Variants in PCLO observed in about 807,000 individuals in gnomAD.
The protein encoded by PCLO is protein piccolo.
Under a neutral mutation model 427.5 loss-of-function variants are expected in PCLO, and 82 were observed. The observed-to-expected ratio is 0.19, with a 90% CI of 0.16 to 0.23. The LOEUF (loss-of-function observed/expected upper bound fraction) is 0.23. Among genes scored for constraint, PCLO ranks in the 10% least tolerant of loss-of-function variants. PCLO has a pLI of 1.00. For synonymous variants in PCLO, 2,357 were observed against 2,155.4 expected, an observed-to-expected ratio of 1.09 and a Z score of -2.59; for missense variants, 6,239 against 6,115.9, an observed-to-expected ratio of 1.02 and a Z score of -0.67.
chr7:82,905,133 T>A lies in PCLO; in HGVS notation c.13438-2392A>T, dbSNP rs568118744. ...AGAACTGATGTCAAGTGGTGCTACA[T>A]TCCTCTCCCCAAGGGGATGGTCTCT... On this transcript the variant is annotated intron_variant, in intron 8 of 24. Coordinates refer to ENST00000333891, the MANE Select transcript of PCLO (RefSeq NM_033026.6). Among the ~76,000 whole-genome samples the A allele has an allele frequency of 2.5e-4, 38 of 152,186 alleles. 1 individual carries two copies. Among genetic ancestry groups the A allele is most frequent in the African/African-American group, 8.4e-4 (35 of 41,544 alleles).
In PCLO at chr7:83,135,296, C is replaced by A. The variant is rs1791694531; in HGVS notation, c.2254G>T (p.Asp752Tyr). The change falls in exon 3 of 25, where the codon GAT (aspartate) becomes TAT (tyrosine). Residue 752 changes from aspartate to tyrosine, a missense_variant. Asp to Tyr is a radical substitution (Grantham distance 160). Around this residue, in one of 5 missense-constraint regions of PCLO, gnomAD observed 4,677 missense variants for 4,468.4 expected, o/e 1.05. Coordinates refer to ENST00000333891, the MANE Select transcript of PCLO (RefSeq NM_033026.6). ...ACCATCTTGGGCTGCTTTGGTTTAT[C>A]ATCAGCAACAGGGGCCTTGTCCTGC... ...SEQDKAPVAD[D>Y]KPKQPKMVKP... is the part of the protein sequence containing the mutation. 6.2e-7 allele frequency: 1 copy of A among 1,613,750 alleles called. No homozygotes were observed. The highest frequency in any genetic ancestry group is 8.5e-7 in the Non-Finnish European group (1 of 1,179,876).
chr7:82,759,727 C>G (rs1318253109), intron 24 of PCLO, among the ~76,000 whole-genome samples: 1 of 151,860 alleles, frequency 6.6e-6, no homozygotes, highest in African/African-American at 2.4e-5. Flanking sequence ...ATGGTCTCTT[C>G]CTATATTTTT....
At chr7:83,046,370 C>G (rs1428493797) in intron 3 of PCLO, among the ~76,000 whole-genome samples, 1 of 152,050 alleles carries the variant, frequency 6.6e-6, no homozygotes, top group Non-Finnish European at 1.5e-5. Context: ...TATTTATTCT[C>G]TGTTGTATAT....
At chr7:82,905,478 T>A (rs1236906615) in intron 8 of PCLO, among the ~76,000 whole-genome samples, 3 of 151,896 alleles carry the variant, frequency 2.0e-5, no homozygotes, top group Non-Finnish European at 4.4e-5. Flanking sequence ...TATGCATATA[T>A]AACATGGTAG....
intron 3 of PCLO, among the ~76,000 whole-genome samples, chr7:83,003,699 A>G (rs10242849): frequency 0.63 from 94,814 of 150,964 alleles, 31,266 homozygotes; most frequent in East Asian, 0.86. Context: ...AATCCCCCTT[A>G]AGTATGCTGC....
chr7:83,052,049 A>G (rs7792664), intron 3 of PCLO, among the ~76,000 whole-genome samples: 117,860 of 151,898 alleles, frequency 0.78, 46,587 homozygotes, highest in African/African-American at 0.92. Flanking sequence ...AAACAGATCA[A>G]AGACCTAAAA....
intron 3 of PCLO, among the ~76,000 whole-genome samples, chr7:82,976,342 C>T (rs1325422961): frequency 6.6e-6 from 1 of 152,170 alleles, no homozygotes; most frequent in East Asian, 1.9e-4. Context: ...TAAATTCTTT[C>T]CTTCCTCTGC....
At chr7:82,979,438 A>G (rs561086506) in intron 3 of PCLO, among the ~76,000 whole-genome samples, 3 of 152,322 alleles carry the variant, frequency 2.0e-5, no homozygotes, top group African/African-American at 7.2e-5. Context: ...ACATACATCA[A>G]AATGTAAATT....
chr7:82,885,459 C>T (rs572668608), intron 9 of PCLO, among the ~76,000 whole-genome samples: 55 of 152,192 alleles, frequency 3.6e-4, no homozygotes, highest in African/African-American at 1.3e-3. Flanking sequence ...TAAGCCATGC[C>T]TGGATTATTG....
intron 3 of PCLO, among the ~76,000 whole-genome samples, chr7:83,053,323 C>T (rs143217694): frequency 2.0e-5 from 3 of 152,098 alleles, no homozygotes; most frequent in East Asian, 3.9e-4. Flanking sequence ...CTAACCATTA[C>T]ACACTGAAAA....
chr7:83,060,208 G>A (rs1789510023), intron 3 of PCLO, among the ~76,000 whole-genome samples: 1 of 152,112 alleles, frequency 6.6e-6, no homozygotes, highest in African/African-American at 2.4e-5. Context: ...GGTCAGACCT[G>A]AGCTTCCTTT....
chr7:82,891,280 A>T (rs1793758880), intron 9 of PCLO, among the ~76,000 whole-genome samples: 1 of 152,104 alleles, frequency 6.6e-6, no homozygotes, highest in Non-Finnish European at 1.5e-5. Flanking sequence ...TCAGATTTTT[A>T]AAATTTTAGG....
intron 3 of PCLO, among the ~76,000 whole-genome samples, chr7:83,094,998 C>T (rs1171280424): frequency 2.6e-5 from 4 of 152,010 alleles, no homozygotes; most frequent in Admixed American, 6.6e-5. Context: ...TTGGGAAATG[C>T]GCCCTCATCT....
chr7:82,804,186 C>G (rs1791413921), intron 21 of PCLO, among the ~76,000 whole-genome samples: 1 of 151,944 alleles, frequency 6.6e-6, no homozygotes, highest in Non-Finnish European at 1.5e-5. Flanking sequence ...CATCAGAAGT[C>G]AAAGACCAAT....
At chr7:83,139,995 A>C (rs1029018956) in intron 2 of PCLO, among the ~76,000 whole-genome samples, 1 of 152,194 alleles carries the variant, frequency 6.6e-6, no homozygotes, top group African/African-American at 2.4e-5. Flanking sequence ...AAAAAGAAAA[A>C]AGAAAAAAAT....
At chr7:82,802,649 C>T (rs895035888) in intron 21 of PCLO, among the ~76,000 whole-genome samples, 1 of 152,108 alleles carries the variant, frequency 6.6e-6, no homozygotes. Context: ...AACAAAAGAG[C>T]ATCTTGATAC....
intron 3 of PCLO, among the ~76,000 whole-genome samples, chr7:82,987,223 A>C (rs1266673869): frequency 6.6e-6 from 1 of 152,132 alleles, no homozygotes; most frequent in East Asian, 1.9e-4. Context: ...GGCATAGATA[A>C]GACATAAAAT....
At chr7:82,779,312 T>G (rs1265197762) in intron 22 of PCLO, among the ~76,000 whole-genome samples, 2 of 152,208 alleles carry the variant, frequency 1.3e-5, no homozygotes, top group East Asian at 1.9e-4. Context: ...TTTACCAGCT[T>G]TATTTTGAAT....
intron 6 of PCLO, among the ~76,000 whole-genome samples, chr7:82,946,715 A>C (rs1795212690): frequency 6.6e-6 from 1 of 152,190 alleles, no homozygotes; most frequent in South Asian, 2.1e-4. Flanking sequence ...AGGTCATGAA[A>C]CAAGCAGAGA....
Sources: gnomAD v4.1 joint callset for allele counts (sites outside exome capture counted in the v4.1 genomes callset) on GRCh38, gnomAD v4.1.1 for gene constraint, gnomAD v4.1.1 regional missense constraint, MANE v1.5 for transcripts, NCBI Gene and HGNC (gene_info 2026-07-23, HGNC 2026-07-21) for gene names.